The following PARG variants were observed in gnomAD, a reference collection of about 807,000 sequenced individuals.
PARG encodes poly(ADP-ribose) glycohydrolase.
Under a neutral mutation model 113.0 loss-of-function variants are expected in PARG, and 35 were observed. The ratio of observed to expected loss-of-function variants is 0.31; its 90% CI spans 0.24 to 0.41. The LOEUF (loss-of-function observed/expected upper bound fraction) is 0.41. PARG is among the 10% of genes least tolerant of loss of function. PARG has a pLI of 1.00. For synonymous variants in PARG, 330 were observed against 409.9 expected (o/e 0.81, Z 2.36); for missense variants, 797 against 1,169.4 (o/e 0.68, Z 4.64).
At chr10:49,846,503 A>G (rs1554833361) in intron 13 of PARG, among the ~76,000 whole-genome samples, 1 of 152,184 alleles carries the variant, frequency 6.6e-6, no homozygotes, top group Non-Finnish European at 1.5e-5. Context: ...AAATAAAAGA[A>G]CTGTAAACAA....
chr10:49,866,055 C>T (rs2573535), intron 10 of PARG, among the ~76,000 whole-genome samples: 113,165 of 123,542 alleles, frequency 0.92, 52,708 homozygotes, highest in East Asian at 1. Context: ...AGCAATAAAT[C>T]TGGGAGGATC....
At chr10:49,822,286 A>T (rs1368901216) in intron 16 of PARG, among the ~76,000 whole-genome samples, 1 of 152,086 alleles carries the variant, frequency 6.6e-6, no homozygotes, top group African/African-American at 2.4e-5. Flanking sequence ...TCTGTCTGCT[A>T]AAAGGGCCAA....
Position 49,929,781 on chromosome 10 carries a change from G to A in PARG, c.1455+2319C>T, listed in dbSNP as rs1554909516. Among the ~76,000 whole-genome samples, 169 of 150,058 alleles carry A rather than the reference G, an allele frequency of 1.1e-3. 3 individuals are homozygous for A. Among genetic ancestry groups the A allele is most frequent in the Admixed American group, 0.011 (165 of 14,978 alleles). Reference sequence around the variant, plus strand: ...GTGGAAGTTGCCATGAGCCGAGATCGTGCTGTTGCACTCCAGCCTGGGCAG... The same window carrying A: ...GTGGAAGTTGCCATGAGCCGAGATCATGCTGTTGCACTCCAGCCTGGGCAG... On this transcript the variant is annotated intron_variant, in intron 4 of 17. Coordinates refer to ENST00000616448, the MANE Select transcript of PARG (RefSeq NM_003631.5).
chr10:49,926,406 G>A (rs1226395479), intron 4 of PARG, among the ~76,000 whole-genome samples: 1 of 152,068 alleles, frequency 6.6e-6, no homozygotes, highest in Non-Finnish European at 1.5e-5. Context: ...AGCCACTCAT[G>A]GAAGTCAGAG....
chr10:49,850,517 G>A (rs7082889), intron 13 of PARG, among the ~76,000 whole-genome samples: 10,593 of 152,184 alleles, frequency 0.07, 519 homozygotes, highest in African/African-American at 0.12. Context: ...ATTTACTCGA[G>A]GGTGAAAAGC....
At chr10:49,821,664 G>A (rs1422627820) in intron 16 of PARG, among the ~76,000 whole-genome samples, 3 of 152,178 alleles carry the variant, frequency 2.0e-5, no homozygotes, top group East Asian at 1.9e-4. Flanking sequence ...ACAGGCATGC[G>A]CCAATGTGCC....
chr10:49,850,583 G>A (rs1370815546), intron 13 of PARG, among the ~76,000 whole-genome samples: 2 of 152,136 alleles, frequency 1.3e-5, no homozygotes, highest in Non-Finnish European at 2.9e-5. Context: ...TCCTTCTTTT[G>A]TTTTCTGCCT....
rs1554832371 is a variant in PARG at position 49,841,946 on chromosome 10, T to C, written c.2541+4A>G. The C allele has an allele frequency of 1.3e-6, 2 of 1,529,482 alleles. No individual in the cohort carries two copies. Among genetic ancestry groups the C allele is most frequent in the Non-Finnish European group, 1.8e-6 (2 of 1,131,668 alleles). 94.7% of individuals were successfully genotyped at this position (1,529,482 alleles called of 1,614,324 possible). A position where few individuals can be genotyped will look rare whatever the true frequency, so the allele number is the denominator to read the frequency against. On this transcript the variant is annotated splice_donor_region_variant and intron_variant, in intron 15 of 17. Transcript: ENST00000616448. Reference sequence around the variant, plus strand: ...CAGATGAACTAAGAAATAAGGTTACTGGCCTTGTTCAGCTCGCGTCTCATT... The same window carrying C: ...CAGATGAACTAAGAAATAAGGTTACCGGCCTTGTTCAGCTCGCGTCTCATT...
intron 8 of PARG, among the ~76,000 whole-genome samples, chr10:49,882,151 T>TGATGA (rs201469229): frequency 0.068 from 10,358 of 151,418 alleles, 495 homozygotes; most frequent in African/African-American, 0.12. Flanking sequence ...TCTCCTCTCT[T>TGATGA]GGTGAGGAGA....
intron 9 of PARG, among the ~76,000 whole-genome samples, chr10:49,876,894 T>C (rs1846965085): frequency 6.6e-6 from 1 of 151,716 alleles, no homozygotes; most frequent in African/African-American, 2.4e-5. Flanking sequence ...ATTAAAAATA[T>C]GCCCCTTGCA....
intron 9 of PARG, among the ~76,000 whole-genome samples, chr10:49,877,846 A>C (rs1847019153): frequency 8.3e-6 from 1 of 119,898 alleles, no homozygotes; most frequent in Admixed American, 9.0e-5. Context: ...CACAACAGGC[A>C]AACACTATGG....
At chr10:49,860,821 A>G (rs1329167441) in intron 12 of PARG, among the ~76,000 whole-genome samples, 8 of 151,684 alleles carry the variant, frequency 5.3e-5, no homozygotes, top group Non-Finnish European at 1.0e-4. Flanking sequence ...GCTTCTTTCA[A>G]AGAAAACTCA....
At chr10:49,901,820 A>C (rs1185434417) in intron 7 of PARG, among the ~76,000 whole-genome samples, 4 of 152,220 alleles carry the variant, frequency 2.6e-5, no homozygotes, top group African/African-American at 9.6e-5. Context: ...AAATCTCAGA[A>C]GTCCCTGTGA....
chr10:49,890,624 C>T (rs1554841286), intron 7 of PARG, among the ~76,000 whole-genome samples: 1 of 151,956 alleles, frequency 6.6e-6, no homozygotes, highest in Non-Finnish European at 1.5e-5. Context: ...GCAACCACAT[C>T]ATAGTGACTG....
At chr10:49,834,108 G>A (rs1434093480) in intron 15 of PARG, among the ~76,000 whole-genome samples, 1 of 152,118 alleles carries the variant, frequency 6.6e-6, no homozygotes, top group African/African-American at 2.4e-5. Context: ...GCTTACACAA[G>A]CGCTCACAAA....
At chr10:49,902,489 T>C (rs1554843925) in intron 7 of PARG, among the ~76,000 whole-genome samples, 1 of 152,152 alleles carries the variant, frequency 6.6e-6, no homozygotes, top group African/African-American at 2.4e-5. Context: ...AAGCGTGAAC[T>C]TACAGAGCTC....
intron 16 of PARG, among the ~76,000 whole-genome samples, chr10:49,828,217 C>T (rs189668797): frequency 3.8e-4 from 56 of 148,396 alleles, no homozygotes; most frequent in Non-Finnish European, 1.5e-4. Flanking sequence ...GTTTTTGAGG[C>T]AACCAAAGGG....
At chr10:49,881,135 A>G (rs1299231929) in intron 8 of PARG, among the ~76,000 whole-genome samples, 1 of 152,186 alleles carries the variant, frequency 6.6e-6, no homozygotes, top group Admixed American at 6.5e-5. Context: ...TCTTTGGATA[A>G]TAACTGTTCC....
At chr10:49,862,526 TC>T (rs1451446975) in intron 11 of PARG, among the ~76,000 whole-genome samples, 1 of 151,798 alleles carries the variant, frequency 6.6e-6, no homozygotes, top group African/African-American at 2.4e-5. Flanking sequence ...TAAATACATT[TC>T]TGGCAAAACT....
Sources: allele counts gnomAD v4.1 joint callset (sites outside exome capture counted in the v4.1 genomes callset), GRCh38; gene constraint gnomAD v4.1.1; transcripts MANE v1.5; gene names NCBI Gene and HGNC (gene_info 2026-07-23, HGNC 2026-07-21).